Variants in SRSF4 observed in about 807,000 individuals in gnomAD.
The protein encoded by SRSF4 is serine and arginine rich splicing factor 4, also known as serine/arginine-rich splicing factor 4.
A neutral mutation model predicts 48.8 loss-of-function variants in SRSF4; 12 were observed. The ratio of observed to expected loss-of-function variants is 0.25; its 90% CI spans 0.16 to 0.40. The LOEUF (loss-of-function observed/expected upper bound fraction) is 0.40. SRSF4 is among the 10% of genes least tolerant of loss of function. SRSF4 has a pLI of 1.00. For synonymous variants in SRSF4, 248 were observed against 232.5 expected (o/e 1.07, Z -0.61); for missense variants, 466 against 667.1 (o/e 0.70, Z 3.32).
intron 3 of SRSF4, among the ~76,000 whole-genome samples, chr1:29,158,852 T>C (rs1054574419): frequency 1.3e-5 from 2 of 151,734 alleles, no homozygotes; most frequent in African/African-American, 4.8e-5. Flanking sequence ...CCGGGCGCGG[T>C]GGCTCACGCC....
chr1:29,176,069 G>A (rs1488434084), intron 1 of SRSF4, among the ~76,000 whole-genome samples: 3 of 151,958 alleles, frequency 2.0e-5, no homozygotes, highest in East Asian at 1.9e-4. Context: ...TGCCTAACAC[G>A]GTGAAACCCT....
In SRSF4 at chr1:29,168,191, ATTT is replaced by A. The variant is rs57242686; in HGVS notation, c.108-7677_108-7675del. 7.6e-3 allele frequency among the ~76,000 whole-genome samples: 1,021 copies of A among 134,956 alleles called. 14 individuals are homozygous for A. The highest frequency in any genetic ancestry group is 0.024 in the African/African-American group (857 of 36,208). The allele number at this position is 134,956 out of a possible 152,430, so 88.5% of individuals were successfully genotyped here. A position where few individuals can be genotyped will look rare whatever the true frequency, so the allele number is the denominator to read the frequency against. ...CACCATGCCCGGCAAATTTTTTGTA[ATTT>A]TTTTTTTTTTTTTTTTAGGAGAGAC... On this transcript the variant is annotated intron_variant, in intron 1 of 5. Transcript: ENST00000373795.
chr1:29,159,601 T>A, intron 2 of SRSF4, 115 bp from the exon 3 acceptor site: 1 of 555,248 alleles, frequency 1.8e-6, no homozygotes, highest in Non-Finnish European at 3.0e-6. Context: ...CAATAGCACG[T>A]TTTAACTCTA....
intron 4 of SRSF4, among the ~76,000 whole-genome samples, chr1:29,151,434 C>T (rs1447963607): frequency 2.0e-5 from 3 of 152,136 alleles, no homozygotes; most frequent in Admixed American, 2.0e-4. Flanking sequence ...GACGCAGAGG[C>T]TGCAATGAGC....
chr1:29,160,091 T>A (rs969942970), intron 2 of SRSF4: 1 of 301,062 alleles, frequency 3.3e-6, no homozygotes, highest in Non-Finnish European at 6.1e-6. Context: ...CTTTGTTAAA[T>A]CTATGTTAAA....
chr1:29,170,243 A>T (rs1304548136), intron 1 of SRSF4: 2 of 152,038 alleles, frequency 1.3e-5, no homozygotes, highest in East Asian at 3.8e-4. Context: ...ACAAATTAAA[A>T]ACGATTTGAA....
chr1:29,181,820 G>C lies in SRSF4; in HGVS notation c.-68C>G, dbSNP rs925876507. The C allele has an allele frequency of 7.5e-7, 1 of 1,341,474 alleles. No individual in the cohort carries two copies. Among genetic ancestry groups the C allele is most frequent in the Non-Finnish European group, 9.7e-7 (1 of 1,026,732 alleles). 83.1% of individuals were successfully genotyped at this position (1,341,474 alleles called of 1,614,324 possible). A position where few individuals can be genotyped will look rare whatever the true frequency, so the allele number is the denominator to read the frequency against. On this transcript the variant is annotated 5_prime_UTR_variant, in exon 1 of 6. Coordinates refer to ENST00000373795, the MANE Select transcript of SRSF4 (RefSeq NM_005626.5). The stretch of plus-strand genomic sequence containing the variant: ...TTAGGCGGCGGCGGGCAAAGCGAGA[G>C]CACGGCGGCAGCGGCGGCGGCGGCA...
chr1:29,163,615 TA>T (rs1277462800), intron 1 of SRSF4, among the ~76,000 whole-genome samples: 1 of 152,172 alleles, frequency 6.6e-6, no homozygotes, highest in Non-Finnish European at 1.5e-5. Context: ...GACTAGATAA[TA>T]AAAATAAAAT....
chr1:29,175,433 C>T (rs1010078653), intron 1 of SRSF4, among the ~76,000 whole-genome samples: 70 of 151,350 alleles, frequency 4.6e-4, no homozygotes, highest in African/African-American at 1.4e-3. Context: ...TGGTGGCTCA[C>T]GCCTGTAATC....
At chr1:29,178,268 AC>A (rs1178657328) in intron 1 of SRSF4, among the ~76,000 whole-genome samples, 2 of 152,062 alleles carry the variant, frequency 1.3e-5, no homozygotes, top group South Asian at 2.1e-4. Context: ...ATCTACTGAT[AC>A]ATCTCACTTC....
intron 4 of SRSF4, among the ~76,000 whole-genome samples, chr1:29,150,791 C>A (rs930302140): frequency 6.6e-6 from 1 of 152,126 alleles, no homozygotes; most frequent in Admixed American, 6.6e-5. Context: ...GAAATCACAG[C>A]CATCCTTGAC....
chr1:29,175,711 A>AAAG (rs1553324279), intron 1 of SRSF4, among the ~76,000 whole-genome samples: 42 of 146,536 alleles, frequency 2.9e-4, no homozygotes, highest in South Asian at 8.6e-4. Flanking sequence ...AAAAAAAAAA[A>AAAG]AAAAAAAAAA....
At chr1:29,177,283 GTTTT>G (rs397934546) in intron 1 of SRSF4, among the ~76,000 whole-genome samples, 1 of 137,880 alleles carries the variant, frequency 7.3e-6, no homozygotes. Context: ...AACTCTTTTT[GTTTT>G]TTTTTTTTTT....
At chr1:29,170,091 T>C (rs1165929147) in intron 1 of SRSF4, 1 of 152,224 alleles carries the variant, frequency 6.6e-6, no homozygotes, top group Non-Finnish European at 1.5e-5. Flanking sequence ...ATGGCTTTCC[T>C]GAAAGGGAGG....
chr1:29,148,681 C>G lies in SRSF4; in HGVS notation c.1214G>C (p.Arg405Thr), dbSNP rs774733343. ...KKEDTDRSQS[R>T]SPSRSVSKER... ...CTTTGACACGGAGCGGGATGGAGATCTGGACTGGGAGCGGTCAGTGTCTTC... is the reference window on the plus strand; with the variant it reads ...CTTTGACACGGAGCGGGATGGAGATGTGGACTGGGAGCGGTCAGTGTCTTC... Residue 405 changes from arginine to threonine, a missense_variant, in exon 6 of 6, where the codon AGA becomes ACA. Around this residue, in one of 2 missense-constraint regions of SRSF4, gnomAD observed 402 missense variants for 437.0 expected, o/e 0.92. Transcript: ENST00000373795. 6 of 1,614,036 alleles carry G rather than the reference C, an allele frequency of 3.7e-6. No homozygotes were observed. The highest frequency in any genetic ancestry group is 5.1e-6 in the Non-Finnish European group (6 of 1,180,048).
intron 5 of SRSF4, among the ~76,000 whole-genome samples, chr1:29,149,546 T>G (rs888450482): frequency 6.6e-6 from 1 of 151,930 alleles, no homozygotes; most frequent in Non-Finnish European, 1.5e-5. Flanking sequence ...CCAGGCATGC[T>G]GGCACACGCC....
At chr1:29,173,871 A>G (rs1342493169) in intron 1 of SRSF4, among the ~76,000 whole-genome samples, 2 of 152,044 alleles carry the variant, frequency 1.3e-5, no homozygotes, top group Non-Finnish European at 2.9e-5. Flanking sequence ...TTAAAAAATT[A>G]TAATAAAGGG....
intron 3 of SRSF4, among the ~76,000 whole-genome samples, chr1:29,157,342 G>A (rs1396954470): frequency 6.6e-6 from 1 of 152,084 alleles, no homozygotes; most frequent in African/African-American, 2.4e-5. Context: ...AAATTAAGAG[G>A]TTTTCTAAGA....
Position 29,149,096 on chromosome 1 carries a change from T to C in SRSF4, c.799A>G (p.Ser267Gly). The change falls in exon 6 of 6, where the codon AGC becomes GGC. Residue 267 changes from serine (S) to glycine (G), a missense_variant. By Grantham distance (56) the Ser-to-Gly change is moderately conservative. Around this residue, in one of 2 missense-constraint regions of SRSF4, gnomAD observed 402 missense variants for 437.0 expected, o/e 0.92. Coordinates refer to ENST00000373795, the MANE Select transcript of SRSF4 (RefSeq NM_005626.5). ...TCTTCAGCTTGGTCTTTGCTCTTGCTGCGGCTCTTGCCAGCGCTATGGCTG... is the reference window on the plus strand; with the variant it reads ...TCTTCAGCTTGGTCTTTGCTCTTGCCGCGGCTCTTGCCAGCGCTATGGCTG... ...SRSHSAGKSR[S>G]KSKDQAEEKI... The C allele has an allele frequency of 2.5e-6, 4 of 1,613,984 alleles. No individual in the cohort carries two copies. The highest frequency in any genetic ancestry group is 1.1e-5 in the South Asian group (1 of 91,074).
Sources: allele counts gnomAD v4.1 joint callset (sites outside exome capture counted in the v4.1 genomes callset), GRCh38; gene constraint gnomAD v4.1.1; regional missense constraint gnomAD v4.1.1; transcripts MANE v1.5; gene names NCBI Gene and HGNC (gene_info 2026-07-23, HGNC 2026-07-21).